CPQ: variants seen among roughly 807,000 people sequenced by gnomAD.
The protein encoded by CPQ is Ser-Met dipeptidase.
In CPQ, 37 loss-of-function variants were observed where a neutral mutation model predicts 45.7. That is an observed-to-expected ratio of 0.81 (90% CI 0.62 to 1.07). The LOEUF (loss-of-function observed/expected upper bound fraction) is 1.07. CPQ is among the 50% of genes least tolerant of loss of function. The probability of loss-of-function intolerance (pLI) is 0.00; values close to 1 mark genes in which losing one functional copy is unlikely to be tolerated. For missense variants in CPQ, 537 were observed against 572.9 expected (o/e 0.94, Z 0.64); for synonymous variants, 186 against 205.8 (o/e 0.90, Z 0.82).
chr8:96,923,093 A>G (rs1184023243), intron 4 of CPQ, among the ~76,000 whole-genome samples: 3 of 152,194 alleles, frequency 2.0e-5, no homozygotes, highest in Non-Finnish European at 4.4e-5. Flanking sequence ...TCCTGCAGGC[A>G]TAGAGGAGTC....
Position 97,123,199 on chromosome 8 carries a change from TAAAATAAA to T in CPQ, c.1256-19817_1256-19810del, listed in dbSNP as rs1159134945. On this transcript the variant is annotated intron_variant, in intron 7 of 7. Transcript: ENST00000220763. ...AAATATAAAATAAAATAAAATAAAA[TAAAATAAA>T]AAATAAAATAAAATAAAATAAAATA... Among the ~76,000 whole-genome samples the T allele has an allele frequency of 3.0e-4, 20 of 66,270 alleles. 3 individuals are homozygous for T. Among genetic ancestry groups the T allele is most frequent in the African/African-American group, 1.1e-3 (19 of 16,988 alleles). The allele number at this position is 66,270 out of a possible 152,430, so 43.5% of individuals were successfully genotyped here. A position where few individuals can be genotyped will look rare whatever the true frequency, so the allele number is the denominator to read the frequency against.
chr8:97,088,623 G>A (rs1811077060), intron 7 of CPQ, among the ~76,000 whole-genome samples: 1 of 152,174 alleles, frequency 6.6e-6, no homozygotes, highest in African/African-American at 2.4e-5. Context: ...AAATGCTACA[G>A]TAGCTGAGGC....
At chr8:96,733,946 T>G (rs1809945584) in intron 1 of CPQ, among the ~76,000 whole-genome samples, 1 of 152,208 alleles carries the variant, frequency 6.6e-6, no homozygotes, top group Non-Finnish European at 1.5e-5. Flanking sequence ...TGTTTAAATC[T>G]AAACTAATTT....
intron 2 of CPQ, among the ~76,000 whole-genome samples, chr8:96,814,595 C>A (rs1053785697): frequency 1.3e-5 from 2 of 152,152 alleles, no homozygotes; most frequent in Admixed American, 1.3e-4. Flanking sequence ...ACATATATAT[C>A]ATTTTCAATA....
intron 1 of CPQ, among the ~76,000 whole-genome samples, chr8:96,654,854 G>C (rs1815620433): frequency 6.6e-6 from 1 of 151,956 alleles, no homozygotes. Context: ...GCATTTGCAT[G>C]AAACAGTAGT....
chr8:96,723,796 T>TA (rs149681386), intron 1 of CPQ, among the ~76,000 whole-genome samples: 3,196 of 152,198 alleles, frequency 0.021, 114 homozygotes, highest in African/African-American at 0.073. Flanking sequence ...CCTGATTTTC[T>TA]AAAAAACTAG....
intron 1 of CPQ, among the ~76,000 whole-genome samples, chr8:96,774,775 A>G (rs1426040035): frequency 6.6e-6 from 1 of 152,226 alleles, no homozygotes; most frequent in Non-Finnish European, 1.5e-5. Context: ...GGTTAACCAT[A>G]CATGAGATCC....
At chr8:96,920,619 C>T (rs956798819) in intron 4 of CPQ, among the ~76,000 whole-genome samples, 23 of 152,116 alleles carry the variant, frequency 1.5e-4, no homozygotes, top group African/African-American at 5.3e-4. Flanking sequence ...CCCCTAGTAC[C>T]TCAGAAGGTG....
At chr8:96,839,308 T>C (rs1056656667) in intron 3 of CPQ, among the ~76,000 whole-genome samples, 2 of 152,086 alleles carry the variant, frequency 1.3e-5, no homozygotes, top group African/African-American at 4.8e-5. Context: ...TCCAGGTTCA[T>C]TATTGTTATT....
At chr8:96,678,478 T>G (rs549700153) in intron 1 of CPQ, among the ~76,000 whole-genome samples, 1 of 152,224 alleles carries the variant, frequency 6.6e-6, no homozygotes, top group African/African-American at 2.4e-5. Flanking sequence ...TTTAGCTTTT[T>G]GAGAAACCTC....
At chr8:97,065,982 A>C in intron 6 of CPQ, 27 bp from the exon 7 acceptor site, 1 of 1,606,654 alleles carries the variant, frequency 6.2e-7, no homozygotes, top group Non-Finnish European at 8.5e-7. Flanking sequence ...AACAGATAAG[A>C]ACCAAACAAT....
chr8:96,838,845 A>G (rs975451676), intron 3 of CPQ, among the ~76,000 whole-genome samples: 12 of 152,172 alleles, frequency 7.9e-5, no homozygotes, highest in Non-Finnish European at 1.8e-4. Flanking sequence ...ACCCATGTAT[A>G]GTAAGTTTGA....
chr8:96,879,768 C>A (rs561236727), intron 3 of CPQ, 30 bp from the exon 4 acceptor site: 3 of 1,585,072 alleles, frequency 1.9e-6, no homozygotes, highest in South Asian at 2.2e-5. Flanking sequence ...TTTCCACTTT[C>A]AAGGTAACCT....
At chr8:96,709,630 G>A (rs1809581658) in intron 1 of CPQ, among the ~76,000 whole-genome samples, 1 of 151,916 alleles carries the variant, frequency 6.6e-6, no homozygotes, top group Non-Finnish European at 1.5e-5. Context: ...GGGATTGCTG[G>A]GTATCTACTT....
chr8:97,051,457 C>A (rs1201337802), intron 6 of CPQ, among the ~76,000 whole-genome samples: 1 of 152,218 alleles, frequency 6.6e-6, no homozygotes, highest in Middle Eastern at 3.4e-3. Flanking sequence ...GAGATTTCTG[C>A]AACAAGTCTA....
chr8:97,045,514 G>A (rs1184641320), intron 6 of CPQ, among the ~76,000 whole-genome samples: 18 of 152,188 alleles, frequency 1.2e-4, no homozygotes, highest in Non-Finnish European at 2.6e-4. Context: ...CCCACTGTCT[G>A]GCACTCCCTA....
chr8:97,024,508 T>G (rs556249811), intron 5 of CPQ, among the ~76,000 whole-genome samples: 1 of 151,362 alleles, frequency 6.6e-6, no homozygotes, highest in African/African-American at 2.5e-5. Flanking sequence ...ACAAAGATCT[T>G]CTTCAAGGTG....
intron 6 of CPQ, among the ~76,000 whole-genome samples, chr8:97,040,890 T>A (rs1012903512): frequency 9.2e-5 from 14 of 152,192 alleles, no homozygotes; most frequent in Non-Finnish European, 1.8e-4. Flanking sequence ...ACTGTAGCCT[T>A]GTAGTATAGT....
chr8:96,945,431 G>A (rs566834940), intron 4 of CPQ, among the ~76,000 whole-genome samples: 1 of 152,254 alleles, frequency 6.6e-6, no homozygotes, highest in East Asian at 1.9e-4. Context: ...CTTCAGGGCT[G>A]TCTGTTGTGT....
Sources: allele counts gnomAD v4.1 joint callset (sites outside exome capture counted in the v4.1 genomes callset), GRCh38; gene constraint gnomAD v4.1.1; transcripts MANE v1.5; gene names NCBI Gene and HGNC (gene_info 2026-07-23, HGNC 2026-07-21).